IPMK: variants seen among roughly 807,000 people sequenced by gnomAD.
IPMK encodes the protein inositol 1,3,4,6-tetrakisphosphate 5-kinase.
A neutral mutation model predicts 45.8 loss-of-function variants in IPMK; 17 were observed. That is an observed-to-expected ratio of 0.37 (90% CI 0.25 to 0.56). The LOEUF (loss-of-function observed/expected upper bound fraction) is 0.56. IPMK is among the 20% of genes least tolerant of loss of function. The pLI, the probability that IPMK is intolerant of heterozygous loss-of-function variation, is 0.79. For missense variants in IPMK, 399 were observed against 498.0 expected, an observed-to-expected ratio of 0.80 and a Z score of 1.89; for synonymous variants, 180 against 184.3, an observed-to-expected ratio of 0.98 and a Z score of 0.19.
chr10:58,267,754 G>C lies in IPMK; in HGVS notation c.-143C>G. 1 of 585,134 alleles carries C rather than the reference G, an allele frequency of 1.7e-6. No individual in the cohort carries two copies. The highest frequency in any genetic ancestry group is 3.0e-6 in the Non-Finnish European group (1 of 330,396). 36.2% of individuals were successfully genotyped at this position (585,134 alleles called of 1,614,324 possible). On this transcript the variant is annotated 5_prime_UTR_variant, in exon 1 of 6. Transcript: ENST00000373935. ...CGCGGCTGGTGCCCTCTGAAGCGCGGGGAGGGGGCCCATGACGCCGCCGGG... is the reference window on the plus strand; with the variant it reads ...CGCGGCTGGTGCCCTCTGAAGCGCGCGGAGGGGGCCCATGACGCCGCCGGG...
intron 3 of IPMK, among the ~76,000 whole-genome samples, chr10:58,216,704 G>A (rs1227737035): frequency 6.6e-6 from 1 of 152,088 alleles, no homozygotes; most frequent in East Asian, 1.9e-4. Context: ...TTTAAAAATT[G>A]ATTCATTTAA....
chr10:58,267,586 A>AG lies in IPMK; in HGVS notation c.25dup (p.Leu9ProfsTer22). ...TGGGGGGCCCGGCGCCTCGACCCGG[A>AG]GGGGGGATGGTGGCTCTGTTGCCAT... is the stretch of plus-strand genomic sequence containing the variant. On this transcript the variant is annotated frameshift_variant, in exon 1 of 6. Coordinates refer to ENST00000373935, the MANE Select transcript of IPMK (RefSeq NM_152230.5). LOFTEE classifies it high-confidence loss of function. 1 of 1,604,092 alleles carries AG rather than the reference A, an allele frequency of 6.2e-7. No individual in the cohort carries two copies. The highest frequency in any genetic ancestry group is 8.5e-7 in the Non-Finnish European group (1 of 1,175,758).
At position 58,194,913 on chromosome 10, in the gene IPMK, G is replaced by T. The variant is rs1311917905; in HGVS notation, c.*1163C>A. ...TACAAATCTAATTTTTCCAGGAACT[G>T]TAGCACTGCCCCTGTCCCCATGAAA... On this transcript the variant is annotated 3_prime_UTR_variant, in exon 6 of 6. Coordinates refer to ENST00000373935, the MANE Select transcript of IPMK (RefSeq NM_152230.5). The T allele has an allele frequency of 6.6e-6, 1 of 151,840 alleles. No homozygotes were observed. The highest frequency in any genetic ancestry group is 1.5e-5 in the Non-Finnish European group (1 of 67,800). The allele number at this position is 151,840 out of a possible 1,614,324, so 9.4% of individuals were successfully genotyped here. A position where few individuals can be genotyped will look rare whatever the true frequency, so the allele number is the denominator to read the frequency against.
At chr10:58,240,060 A>G (rs1838674127) in intron 1 of IPMK, among the ~76,000 whole-genome samples, 1 of 152,232 alleles carries the variant, frequency 6.6e-6, no homozygotes, top group Non-Finnish European at 1.5e-5. Flanking sequence ...AATCAAGAGA[A>G]AACATAATAG....
At chr10:58,196,917 CTAATA>C (rs1837903884) in intron 5 of IPMK, among the ~76,000 whole-genome samples, 1 of 152,086 alleles carries the variant, frequency 6.6e-6, no homozygotes, top group African/African-American at 2.4e-5. Flanking sequence ...TTAAATGACA[CTAATA>C]TAATATGAAA....
At chr10:58,249,917 T>C (rs1405896402) in intron 1 of IPMK, among the ~76,000 whole-genome samples, 2 of 152,214 alleles carry the variant, frequency 1.3e-5, no homozygotes, top group Admixed American at 1.3e-4. Flanking sequence ...TATCCAGTTT[T>C]CCCACCCCAC....
In IPMK at chr10:58,195,733, G is replaced by A. The variant is rs1837881892; in HGVS notation, c.*343C>T. 2 of 195,970 alleles carry A rather than the reference G, an allele frequency of 1.0e-5. No homozygotes were observed. Among genetic ancestry groups the A allele is most frequent in the Non-Finnish European group, 2.1e-5 (2 of 96,346 alleles). The allele number at this position is 195,970 out of a possible 1,614,324, so 12.1% of individuals were successfully genotyped here. A position where few individuals can be genotyped will look rare whatever the true frequency, so the allele number is the denominator to read the frequency against. On this transcript the variant is annotated 3_prime_UTR_variant, in exon 6 of 6. Transcript: ENST00000373935. ...ATATGGCTCATTGTCAAGGCTGGGT[G>A]GACAGAGATTTCATGAATTGGCTAC...
At chr10:58,243,225 A>C (rs1838723223) in intron 1 of IPMK, among the ~76,000 whole-genome samples, 1 of 152,198 alleles carries the variant, frequency 6.6e-6, no homozygotes, top group African/African-American at 2.4e-5. Context: ...TCCATTGACA[A>C]ATGAAAGGGT....
At chr10:58,245,333 C>A (rs964606065) in intron 1 of IPMK, among the ~76,000 whole-genome samples, 4 of 151,792 alleles carry the variant, frequency 2.6e-5, no homozygotes, top group African/African-American at 9.7e-5. Flanking sequence ...AAAAAGTAGG[C>A]TAGAAAATAA....
intron 4 of IPMK, among the ~76,000 whole-genome samples, chr10:58,200,843 G>C (rs1427992566): frequency 1.3e-5 from 2 of 152,126 alleles, no homozygotes; most frequent in African/African-American, 4.8e-5. Context: ...CTTTTTGGTA[G>C]ATAATATTTG....
rs772619762 is a variant in IPMK, at chr10:58,209,136, G to T, written c.546+7009C>A. On this transcript the variant is annotated intron_variant, in intron 4 of 5. Coordinates refer to ENST00000373935, the MANE Select transcript of IPMK (RefSeq NM_152230.5). The stretch of plus-strand genomic sequence containing the variant: ...TCTTGTGCAGGCCTGAATCTGGGGG[G>T]TGCTCCTCCTGTCAGGCTGCACTTA... Among the ~76,000 whole-genome samples, 6 of 152,152 alleles carry T rather than the reference G, an allele frequency of 3.9e-5. No individual in the cohort carries two copies. In the South Asian group the frequency reaches 1.2e-3, roughly 32 times the overall value.
rs556023729 is a variant in IPMK at position 58,221,762 on chromosome 10, T to C, written c.373+5281A>G. On this transcript the variant is annotated intron_variant, in intron 3 of 5. Coordinates refer to ENST00000373935, the MANE Select transcript of IPMK (RefSeq NM_152230.5). ...TTTCTTTTCTTTTCTCTTTATTTTA[T>C]TTTTGAAACAGGGTCTCTCTCTGTC... 1.7e-4 allele frequency among the ~76,000 whole-genome samples: 26 copies of C among 152,184 alleles called. No individual in the cohort carries two copies. In the South Asian group the frequency reaches 4.0e-3, roughly 23 times the overall value.
Position 58,193,274 on chromosome 10 carries a change from T to C in IPMK, c.*2802A>G, listed in dbSNP as rs907353883. 3 of 151,838 alleles carry C rather than the reference T, an allele frequency of 2.0e-5. No homozygotes were observed. Among genetic ancestry groups the C allele is most frequent in the Non-Finnish European group, 4.4e-5 (3 of 67,784 alleles). 9.4% of individuals were successfully genotyped at this position (151,838 alleles called of 1,614,324 possible). A position where few individuals can be genotyped will look rare whatever the true frequency, so the allele number is the denominator to read the frequency against. On this transcript the variant is annotated 3_prime_UTR_variant, in exon 6 of 6. Coordinates refer to ENST00000373935, the MANE Select transcript of IPMK (RefSeq NM_152230.5). Reference sequence around the variant, plus strand: ...AATACTAAATTATGCTCAATCAAAATACAGACGAAGGTTCTTCAGTTAAAC... The same window carrying C: ...AATACTAAATTATGCTCAATCAAAACACAGACGAAGGTTCTTCAGTTAAAC...
chr10:58,259,685 A>C (rs1588974044), intron 1 of IPMK, among the ~76,000 whole-genome samples: 1 of 149,578 alleles, frequency 6.7e-6, no homozygotes, highest in Non-Finnish European at 1.5e-5. Flanking sequence ...AAAAAAAAAA[A>C]AACAATTAGC....
chr10:58,237,921 T>A, intron 1 of IPMK, 107 bp from the exon 2 acceptor site: 1 of 778,366 alleles, frequency 1.3e-6, no homozygotes, highest in Non-Finnish European at 2.2e-6. Flanking sequence ...CCATTAAACT[T>A]AAGGGTTTAC....
rs1837859364 is a variant in IPMK at position 58,194,232 on chromosome 10, T to C, written c.*1844A>G. On this transcript the variant is annotated 3_prime_UTR_variant, in exon 6 of 6. Transcript: ENST00000373935. Reference sequence around the variant, plus strand: ...ATCTTGTTAAGATTCAAAATAGTGTTTAATTATCTGAGCTTAAGATTTATT... The same window carrying C: ...ATCTTGTTAAGATTCAAAATAGTGTCTAATTATCTGAGCTTAAGATTTATT... The C allele has an allele frequency of 6.6e-6, 1 of 151,770 alleles. No homozygotes were observed. The highest frequency in any genetic ancestry group is 2.1e-4 in the South Asian group (1 of 4,828). The allele number at this position is 151,770 out of a possible 1,614,324, so 9.4% of individuals were successfully genotyped here.
intron 4 of IPMK, among the ~76,000 whole-genome samples, chr10:58,207,153 C>T (rs1342774412): frequency 2.0e-5 from 3 of 152,200 alleles, no homozygotes; most frequent in Non-Finnish European, 4.4e-5. Context: ...CAGGCACCCA[C>T]CACCAAGCCT....
At chr10:58,237,836 T>C (rs376393270) in intron 1 of IPMK, 22 bp from the exon 2 acceptor site, 27 of 1,544,266 alleles carry the variant, frequency 1.7e-5, no homozygotes, top group African/African-American at 1.4e-4. Flanking sequence ...AAATCAGAAA[T>C]TGTTTAATGC....
At chr10:58,215,592 T>C (rs1838232577) in intron 4 of IPMK, among the ~76,000 whole-genome samples, 1 of 151,990 alleles carries the variant, frequency 6.6e-6, no homozygotes, top group Admixed American at 6.6e-5. Context: ...TGCATTTTTG[T>C]AGAGATGGGG....
Sources: allele counts gnomAD v4.1 joint callset (sites outside exome capture counted in the v4.1 genomes callset), GRCh38; gene constraint gnomAD v4.1.1; transcripts MANE v1.5; gene names NCBI Gene and HGNC (gene_info 2026-07-23, HGNC 2026-07-21).